Variants in STT3B observed in about 807,000 individuals in gnomAD.
STT3B encodes dolichyl-diphosphooligosaccharide--protein glycosyltransferase subunit STT3B.
Under a neutral mutation model 96.8 loss-of-function variants are expected in STT3B, and 29 were observed. That is an observed-to-expected ratio of 0.30 (90% CI 0.22 to 0.41). The LOEUF (loss-of-function observed/expected upper bound fraction) is 0.41, where lower values mean the gene tolerates loss of function less well. STT3B is among the 10% of genes least tolerant of loss of function. STT3B has a pLI of 1.00. For synonymous variants in STT3B, 367 were observed against 360.0 expected (o/e 1.02, Z -0.22); for missense variants, 640 against 1,022.3 (o/e 0.63, Z 5.10).
intron 1 of STT3B, among the ~76,000 whole-genome samples, chr3:31,572,013 A>AATATATTAATATATATTAATATATG (rs1559370228): frequency 3.3e-5 from 2 of 59,806 alleles, no homozygotes; most frequent in Non-Finnish European, 4.4e-5. Flanking sequence ...TATTTTATTA[A>AATATATTAATATATATTAATATATG]ACATATTAAT....
At chr3:31,620,789 G>T (rs1360965583) in intron 9 of STT3B, among the ~76,000 whole-genome samples, 2 of 152,196 alleles carry the variant, frequency 1.3e-5, no homozygotes, top group Non-Finnish European at 2.9e-5. Context: ...TAAGTAATTT[G>T]TAGTGCTAGA....
chr3:31,613,128 A>G (rs941953021), intron 5 of STT3B, among the ~76,000 whole-genome samples: 4 of 152,080 alleles, frequency 2.6e-5, no homozygotes, highest in African/African-American at 9.7e-5. Flanking sequence ...CTTTAGGACT[A>G]TAGAGGGGTA....
At chr3:31,599,539 AG>A (rs1698878955) in intron 4 of STT3B, among the ~76,000 whole-genome samples, 2 of 152,218 alleles carry the variant, frequency 1.3e-5, no homozygotes, top group Non-Finnish European at 2.9e-5. Context: ...ATTTTACGTA[AG>A]AGAAGCATTA....
At chr3:31,546,562 A>G (rs1357812770) in intron 1 of STT3B, among the ~76,000 whole-genome samples, 1 of 152,258 alleles carries the variant, frequency 6.6e-6, no homozygotes, top group Non-Finnish European at 1.5e-5. Flanking sequence ...TTCTCAAAAT[A>G]CACACAGACC....
At position 31,592,665 on chromosome 3, in the gene STT3B, T is replaced by C. The variant is rs562229927; in HGVS notation, c.712-4133T>C. On this transcript the variant is annotated intron_variant, in intron 3 of 15. Coordinates refer to ENST00000295770, the MANE Select transcript of STT3B (RefSeq NM_178862.3). ...AGGTGGCATCTTGGAGTTTTATTTG[T>C]AGTTCCCTAATGAGTAGTAATGTTG... 3.3e-5 allele frequency among the ~76,000 whole-genome samples: 5 copies of C among 152,308 alleles called. No individual in the cohort carries two copies. The East Asian group carries it at 9.6e-4, about 29-fold the overall frequency.
intron 1 of STT3B, among the ~76,000 whole-genome samples, chr3:31,552,555 G>T (rs1697586901): frequency 6.6e-6 from 1 of 151,916 alleles, no homozygotes; most frequent in South Asian, 2.1e-4. Flanking sequence ...CACAAAACTT[G>T]TTCTATCTTT....
chr3:31,562,412 TAGTG>T (rs1420714128), intron 1 of STT3B, among the ~76,000 whole-genome samples: 3 of 152,078 alleles, frequency 2.0e-5, no homozygotes, highest in African/African-American at 4.8e-5. Flanking sequence ...GTGGTGGACT[TAGTG>T]AGGTGATCAC....
chr3:31,619,224 G>C (rs1227708117), intron 8 of STT3B, among the ~76,000 whole-genome samples: 1 of 152,128 alleles, frequency 6.6e-6, no homozygotes, highest in Non-Finnish European at 1.5e-5. Flanking sequence ...CAGAATTTCA[G>C]ATTAGAGATG....
intron 3 of STT3B, among the ~76,000 whole-genome samples, chr3:31,589,878 G>A (rs919993298): frequency 5.3e-5 from 8 of 151,650 alleles, no homozygotes; most frequent in African/African-American, 1.9e-4. Flanking sequence ...ACATCACGTT[G>A]GACAGGGTAC....
At chr3:31,538,299 A>T in intron 1 of STT3B, among the ~76,000 whole-genome samples, 1 of 152,310 alleles carries the variant, frequency 6.6e-6, no homozygotes, top group African/African-American at 2.4e-5. Flanking sequence ...TGTTTTCTAT[A>T]TTATTTGAAC....
intron 1 of STT3B, among the ~76,000 whole-genome samples, chr3:31,545,035 C>G (rs932675016): frequency 5.3e-5 from 8 of 152,112 alleles, no homozygotes; most frequent in Admixed American, 5.2e-4. Context: ...GATTTTTACT[C>G]TAGACCATCG....
intron 5 of STT3B, among the ~76,000 whole-genome samples, chr3:31,601,010 TAG>T (rs1698915138): frequency 1.3e-5 from 2 of 152,170 alleles, no homozygotes; most frequent in Non-Finnish European, 2.9e-5. Flanking sequence ...TTGAAGGAAC[TAG>T]AGAGCAATTG....
At chr3:31,627,314 G>T (rs1234747397) in intron 13 of STT3B, among the ~76,000 whole-genome samples, 1 of 152,194 alleles carries the variant, frequency 6.6e-6, no homozygotes, top group East Asian at 1.9e-4. Flanking sequence ...TAGGTTGCAT[G>T]TTCCTTATGA....
chr3:31,600,101 T>C (rs1427420783), intron 4 of STT3B, among the ~76,000 whole-genome samples: 1 of 152,186 alleles, frequency 6.6e-6, no homozygotes, highest in East Asian at 1.9e-4. Flanking sequence ...CTCTCAGCTT[T>C]TCTATTAAAT....
At chr3:31,631,091 C>T (rs1699647164) in intron 14 of STT3B, among the ~76,000 whole-genome samples, 2 of 152,172 alleles carry the variant, frequency 1.3e-5, no homozygotes, top group African/African-American at 4.8e-5. Context: ...CCGCGCCCAG[C>T]CCCAAGTTTT....
At chr3:31,628,647 G>A (rs1699586605) in intron 13 of STT3B, among the ~76,000 whole-genome samples, 1 of 151,992 alleles carries the variant, frequency 6.6e-6, no homozygotes, top group Admixed American at 6.6e-5. Context: ...AATTACCACA[G>A]GAGTCTTTTT....
chr3:31,600,239 C>T (rs143515002), intron 4 of STT3B, 121 bp from the exon 5 acceptor site: 2 of 428,734 alleles, frequency 4.7e-6, no homozygotes, highest in African/African-American at 4.0e-5. Flanking sequence ...CTTATTTAAG[C>T]ATTTCTCAAA....
At chr3:31,534,934 G>A (rs2125431514) in intron 1 of STT3B, among the ~76,000 whole-genome samples, 1 of 152,272 alleles carries the variant, frequency 6.6e-6, no homozygotes, top group Middle Eastern at 3.4e-3. Context: ...AGGTGGTCTT[G>A]TTTTGAAATA....
At chr3:31,552,588 AC>A (rs1298027964) in intron 1 of STT3B, among the ~76,000 whole-genome samples, 1 of 152,104 alleles carries the variant, frequency 6.6e-6, no homozygotes, top group African/African-American at 2.4e-5. Flanking sequence ...CATTATGAAA[AC>A]TACCTATGTG....
Sources: allele counts gnomAD v4.1 joint callset (sites outside exome capture counted in the v4.1 genomes callset), GRCh38; gene constraint gnomAD v4.1.1; transcripts MANE v1.5; gene names NCBI Gene and HGNC (gene_info 2026-07-23, HGNC 2026-07-21).